TIAM2: variants seen among roughly 807,000 people sequenced by gnomAD.
TIAM2 encodes rho guanine nucleotide exchange factor TIAM2.
TIAM2 carries 80 observed loss-of-function variants against 152.9 expected under a neutral mutation model. The ratio of observed to expected loss-of-function variants is 0.52; its 90% CI spans 0.44 to 0.63. The LOEUF is 0.63. Among genes scored for constraint, TIAM2 ranks in the 30% least tolerant of loss-of-function variants. TIAM2 has a pLI of 0.00. For synonymous variants in TIAM2, 804 were observed against 838.0 expected (o/e 0.96, Z 0.70); for missense variants, 1,965 against 2,120.1 (o/e 0.93, Z 1.44).
intron 9 of TIAM2, among the ~76,000 whole-genome samples, chr6:155,176,542 GTGT>G (rs1390738138): frequency 6.6e-6 from 1 of 152,294 alleles, no homozygotes; most frequent in African/African-American, 2.4e-5. Flanking sequence ...CCGGATTGTG[GTGT>G]TCTAACTTGG....
intron 1 of TIAM2, among the ~76,000 whole-genome samples, chr6:155,009,091 CTTTTTTTTTTTTT>C (rs61651734): frequency 8.1e-5 from 5 of 61,438 alleles, no homozygotes; most frequent in Non-Finnish European, 8.4e-5. Context: ...CTCAGAAGAT[CTTTTTTTTTTTTT>C]TTTTTTTTTT....
At chr6:155,215,969 G>A (rs771166727) in intron 15 of TIAM2, among the ~76,000 whole-genome samples, 14 of 151,792 alleles carry the variant, frequency 9.2e-5, no homozygotes, top group Non-Finnish European at 2.1e-4. Context: ...CACCATGCCC[G>A]GATAATTTTG....
At chr6:155,104,712 G>A (rs1048814802) in intron 2 of TIAM2, among the ~76,000 whole-genome samples, 1 of 149,144 alleles carries the variant, frequency 6.7e-6, no homozygotes, top group Non-Finnish European at 1.5e-5. Flanking sequence ...AGCCGAGATC[G>A]TGCCTCTGCA....
At chr6:155,151,772 C>T (rs774737985) in intron 7 of TIAM2, among the ~76,000 whole-genome samples, 14 of 151,584 alleles carry the variant, frequency 9.2e-5, no homozygotes, top group Non-Finnish European at 1.8e-4. Context: ...ACAAGTTCAA[C>T]AGTTTACATG....
intron 1 of TIAM2, among the ~76,000 whole-genome samples, chr6:154,998,251 G>A (rs73001037): frequency 1.3e-3 from 192 of 152,252 alleles, no homozygotes; most frequent in Non-Finnish European, 2.2e-3. Flanking sequence ...TGCAAGTAAG[G>A]CCCTAAAGAG....
chr6:155,078,305 G>A (rs1267565828), intron 1 of TIAM2, among the ~76,000 whole-genome samples: 1 of 152,056 alleles, frequency 6.6e-6, no homozygotes, highest in African/African-American at 2.4e-5. Flanking sequence ...CTAGGCCTCC[G>A]AAAGTGCTGG....
At chr6:155,152,223 C>T (rs1246770550) in intron 7 of TIAM2, among the ~76,000 whole-genome samples, 1 of 152,162 alleles carries the variant, frequency 6.6e-6, no homozygotes, top group African/African-American at 2.4e-5. Context: ...CATTTAAACT[C>T]CAAAGTACAA....
intron 1 of TIAM2, among the ~76,000 whole-genome samples, chr6:155,041,095 G>A (rs1777017237): frequency 6.6e-6 from 1 of 152,032 alleles, no homozygotes; most frequent in South Asian, 2.1e-4. Context: ...AGGGGCTCTT[G>A]GATATGCTTG....
Position 155,129,073 on chromosome 6 carries a change from T to C in TIAM2, c.-6-145T>C. ...GCAAAATAAGGAGAGCCTGTTCTAC[T>C]GACTGACTCTTGTCCCTACTCCTCT... On this transcript the variant is annotated intron_variant, in intron 3 of 26. Coordinates refer to ENST00000682666, the MANE Select transcript of TIAM2 (RefSeq NM_012454.4). This position sits in a 1 kb window ranked among gnomAD's most constrained non-coding sequence, Gnocchi z 4.8. The C allele has an allele frequency of 1.4e-6, 1 of 694,330 alleles. No homozygotes were observed. Among genetic ancestry groups the C allele is most frequent in the Non-Finnish European group, 2.4e-6 (1 of 422,418 alleles). The allele number at this position is 694,330 out of a possible 1,614,324, so 43.0% of individuals were successfully genotyped here.
rs142148257 is a variant in TIAM2, at chr6:155,252,339, C to T, written c.4119+336C>T. On this transcript the variant is annotated intron_variant, in intron 23 of 26. Coordinates refer to ENST00000682666, the MANE Select transcript of TIAM2 (RefSeq NM_012454.4). ...ATACAAGTAACTGGGTGTGGTAGCA[C>T]GTGCCTGTAGTCCCAGCTACTCGGG... 4.2e-3 allele frequency among the ~76,000 whole-genome samples: 640 copies of T among 152,218 alleles called. 6 individuals are homozygous for T. Among genetic ancestry groups the T allele is most frequent in the Admixed American group, 8.0e-3 (122 of 15,290 alleles).
intron 1 of TIAM2, among the ~76,000 whole-genome samples, chr6:155,004,071 T>A (rs1778359638): frequency 6.6e-6 from 1 of 152,236 alleles, no homozygotes. Flanking sequence ...GAGATGGGGT[T>A]TTGCCCTGTT....
intron 1 of TIAM2, chr6:155,013,844 G>C (rs1583149895): frequency 6.6e-6 from 1 of 151,472 alleles, no homozygotes; most frequent in African/African-American, 2.4e-5. Flanking sequence ...TTGAAACTTG[G>C]ATTCTAATTA....
At chr6:155,072,340 A>G (rs1270805182) in intron 1 of TIAM2, among the ~76,000 whole-genome samples, 1 of 152,226 alleles carries the variant, frequency 6.6e-6, no homozygotes, top group Non-Finnish European at 1.5e-5. Context: ...GGCTAGGATC[A>G]GCCTATGAGG....
intron 1 of TIAM2, among the ~76,000 whole-genome samples, chr6:155,030,279 A>C (rs1776798768): frequency 6.6e-6 from 1 of 152,152 alleles, no homozygotes; most frequent in South Asian, 2.1e-4. Flanking sequence ...AGAGAACTTC[A>C]CAACCAAGTT....
rs1016716686 is a variant in TIAM2 at position 155,030,001 on chromosome 6, C to T, written c.-209+34509C>T. 7.9e-5 allele frequency among the ~76,000 whole-genome samples: 12 copies of T among 152,048 alleles called. 2 individuals carry two copies. In the South Asian group the frequency reaches 8.3e-4, roughly 11 times the overall value. On this transcript the variant is annotated intron_variant, in intron 1 of 26. Transcript: ENST00000682666. Reference sequence around the variant, plus strand: ...AGAGATGGGGGTCTCACCATGTTGCCCAGGCTGGTCTCGAACCCTGGGGTC... The same window carrying T: ...AGAGATGGGGGTCTCACCATGTTGCTCAGGCTGGTCTCGAACCCTGGGGTC...
chr6:155,157,500 T>C (rs1417304915), intron 7 of TIAM2, among the ~76,000 whole-genome samples: 2 of 151,872 alleles, frequency 1.3e-5, no homozygotes, highest in African/African-American at 4.8e-5. Flanking sequence ...AGAGACGAGG[T>C]CTCGCTATGT....
chr6:155,179,243 C>T (rs566736368), intron 11 of TIAM2, 100 bp downstream of exon 11: 15 of 1,433,498 alleles, frequency 1.0e-5, no homozygotes, highest in African/African-American at 5.7e-5. Context: ...TTAAATTTGG[C>T]GTCTAGTTTG....
intron 15 of TIAM2, among the ~76,000 whole-genome samples, chr6:155,224,305 T>G (rs1236778828): frequency 6.6e-6 from 1 of 152,194 alleles, no homozygotes; most frequent in Admixed American, 6.5e-5. Flanking sequence ...CTGAGTCATT[T>G]TGCAATTTCC....
chr6:155,054,542 G>A (rs1178401995), intron 1 of TIAM2, among the ~76,000 whole-genome samples: 1 of 151,694 alleles, frequency 6.6e-6, no homozygotes, highest in Non-Finnish European at 1.5e-5. Context: ...CAATGAGAGG[G>A]ATTTCTATTC....
Sources: gnomAD v4.1 joint callset for allele counts (sites outside exome capture counted in the v4.1 genomes callset) on GRCh38, gnomAD v4.1.1 for gene constraint, Gnocchi (gnomAD v3.1) non-coding constraint, MANE v1.5 for transcripts, NCBI Gene and HGNC (gene_info 2026-07-23, HGNC 2026-07-21) for gene names.